MMS22L: variants seen among roughly 807,000 people sequenced by gnomAD.
MMS22L encodes the protein protein MMS22-like.
MMS22L carries 74 observed loss-of-function variants against 159.1 expected under a neutral mutation model. That is an observed-to-expected ratio of 0.47 (90% CI 0.39 to 0.56). The LOEUF is 0.56. Ranked by LOEUF, MMS22L falls within the 20% of genes least tolerant of loss-of-function variation. The pLI, the probability that MMS22L is intolerant of heterozygous loss-of-function variation, is 0.00. For missense variants in MMS22L, 1,351 were observed against 1,422.1 expected (o/e 0.95, Z 0.80); for synonymous variants, 517 against 506.9 (o/e 1.02, Z -0.27).
In MMS22L at chr6:97,269,082, A is replaced by G. The variant is rs1582853417; in HGVS notation, c.697+820T>C. ...TAAAAGATATTTATCCATAATATGT[A>G]TAAACTCCTACTAAAAAAAGAGGAA... On this transcript the variant is annotated intron_variant, in intron 7 of 24. Coordinates refer to ENST00000683635, the MANE Select transcript of MMS22L (RefSeq NM_001350599.2). 2.0e-5 allele frequency among the ~76,000 whole-genome samples: 3 copies of G among 152,126 alleles called. 1 individual carries two copies. Among genetic ancestry groups the G allele is most frequent in the Admixed American group, 1.3e-4 (2 of 15,270 alleles).
chr6:97,274,740 T>TC (rs1816090341), intron 4 of MMS22L, among the ~76,000 whole-genome samples: 1 of 152,102 alleles, frequency 6.6e-6, no homozygotes, highest in South Asian at 2.1e-4. Flanking sequence ...AAAATAGAGT[T>TC]CTGGAAGGGT....
chr6:97,269,915 C>G lies in MMS22L; in HGVS notation c.684G>C (p.Leu228=). The G allele has an allele frequency of 6.2e-7, 1 of 1,606,456 alleles. No homozygotes were observed. The highest frequency in any genetic ancestry group is 8.5e-7 in the Non-Finnish European group (1 of 1,175,670). The change falls in exon 7 of 25, where the codon CTG becomes CTC. Residue 228 remains leucine, a synonymous_variant. Transcript: ENST00000683635. The stretch of plus-strand genomic sequence containing the variant: ...CCATAAACTTACTCAATTTTTCACC[C>G]AGCATGTAAAGAATTTCTAGCACCA... ...HWLVLEILYM[L]GEKLKQVVYG...
intron 10 of MMS22L, among the ~76,000 whole-genome samples, chr6:97,251,373 TAC>T (rs1347418216): frequency 6.6e-6 from 1 of 152,184 alleles, no homozygotes; most frequent in African/African-American, 2.4e-5. Context: ...ACTGAGATAA[TAC>T]ACAGTCACTG....
chr6:97,149,001 AGTTAC>A (rs376130590), intron 24 of MMS22L, among the ~76,000 whole-genome samples: 2 of 152,192 alleles, frequency 1.3e-5, no homozygotes, highest in African/African-American at 4.8e-5. Context: ...ACTTACCATA[AGTTAC>A]AACTGTCTAT....
In MMS22L at chr6:97,229,398, T is replaced by C. The variant is rs776189583; in HGVS notation, c.1535A>G (p.Tyr512Cys). Reference sequence around the variant, plus strand: ...CATTCTTTTTTGATGGAATTTTGAATATATTCTGTAAAACATTAAAAAATG... The same window carrying C: ...CATTCTTTTTTGATGGAATTTTGAACATATTCTGTAAAACATTAAAAAATG... ...HPWKQVKGRI[Y>C]SKFHQKRMEE... The change falls in exon 14 of 25, where the codon TAT becomes TGT. Residue 512 changes from tyrosine to cysteine, a missense_variant. Tyr to Cys is a radical substitution (Grantham distance 194, BLOSUM62 -2). Coordinates refer to ENST00000683635, the MANE Select transcript of MMS22L (RefSeq NM_001350599.2). The C allele has an allele frequency of 1.6e-5, 25 of 1,550,168 alleles. No homozygotes were observed. The highest frequency in any genetic ancestry group is 2.2e-5 in the Non-Finnish European group (25 of 1,147,436).
chr6:97,159,842 A>C (rs182952562), intron 22 of MMS22L, among the ~76,000 whole-genome samples: 9 of 152,082 alleles, frequency 5.9e-5, no homozygotes, highest in Non-Finnish European at 7.4e-5. Context: ...ATAAATATGC[A>C]AATATTCAAA....
chr6:97,193,805 G>A (rs1806154969), intron 14 of MMS22L, among the ~76,000 whole-genome samples: 1 of 152,178 alleles, frequency 6.6e-6, no homozygotes, highest in African/African-American at 2.4e-5. Flanking sequence ...CTGTCACCCA[G>A]GCTGGAGTGC....
chr6:97,168,355 AG>A, intron 19 of MMS22L, 115 bp from the exon 20 acceptor site: 1 of 816,134 alleles, frequency 1.2e-6, no homozygotes, highest in Admixed American at 2.5e-5. Flanking sequence ...AGTAGGGAAT[AG>A]GAAGAGACAT....
chr6:97,273,622 C>T (rs1815973071), intron 4 of MMS22L, among the ~76,000 whole-genome samples: 1 of 152,170 alleles, frequency 6.6e-6, no homozygotes, highest in Non-Finnish European at 1.5e-5. Context: ...ATAATACCTC[C>T]TTTGATTTCT....
intron 14 of MMS22L, among the ~76,000 whole-genome samples, chr6:97,215,116 T>TATATATATATATATATATA (rs1410024960): frequency 7.6e-6 from 1 of 132,068 alleles, no homozygotes; most frequent in African/African-American, 3.2e-5. Context: ...ATATATATAT[T>TATATATATATATATATATA]TTTTTTTTGC....
rs772229046 is a variant in MMS22L, at chr6:97,178,483, A to G, written c.2639T>C (p.Ile880Thr). Residue 880 changes from isoleucine to threonine, a missense_variant, in exon 18 of 25, where the codon ATC becomes ACC. Coordinates refer to ENST00000683635, the MANE Select transcript of MMS22L (RefSeq NM_001350599.2). ...FSKAQVEYLSISEDPKKALVR... is the reference protein window; with the variant it reads ...FSKAQVEYLSTSEDPKKALVR... ...AAGTGCTTTTTTAGGGTCTTCTGAGATGGATAAATATTCAACTTGGGCCTT... is the reference window on the plus strand; with the variant it reads ...AAGTGCTTTTTTAGGGTCTTCTGAGGTGGATAAATATTCAACTTGGGCCTT... The G allele has an allele frequency of 4.4e-6, 7 of 1,582,394 alleles. No individual in the cohort carries two copies. In the South Asian group the frequency reaches 5.9e-5, roughly 13 times the overall value.
In MMS22L at chr6:97,229,240, A is replaced by G. The variant is rs150262175; in HGVS notation, c.1693T>C (p.Ser565Pro). The change falls in exon 14 of 25, where the codon TCT (serine) becomes CCT (proline). Residue 565 changes from serine to proline, a missense_variant. By Grantham distance (74) the Ser-to-Pro change is moderately conservative (BLOSUM62 -1). Coordinates refer to ENST00000683635, the MANE Select transcript of MMS22L (RefSeq NM_001350599.2). ...LNFLKPAFVT[S>P]QRALIWKGHM... Reference sequence around the variant, plus strand: ...CCCTTCCAAATGAGGGCTCTCTGAGACGTTACAAAAGCAGGCTTGAGGAAA... The same window carrying G: ...CCCTTCCAAATGAGGGCTCTCTGAGGCGTTACAAAAGCAGGCTTGAGGAAA... 138 of 1,614,146 alleles carry G rather than the reference A, an allele frequency of 8.5e-5. No homozygotes were observed. The highest frequency in any genetic ancestry group is 2.1e-4 in the African/African-American group (16 of 75,038).
At chr6:97,269,870 A>C in intron 7 of MMS22L, 32 bp downstream of exon 7, 2 of 1,483,432 alleles carry the variant, frequency 1.3e-6, no homozygotes, top group African/African-American at 2.8e-5. Context: ...CTGATTTTAA[A>C]AAGAATATAA....
chr6:97,144,722 G>A lies in MMS22L; in HGVS notation c.*2084C>T, dbSNP rs1166541503. ...GGCAAGATTGTAGTAATAAGTGAAG[G>A]ATCAGTGAAGATTTTAAAAAAAAGG... is the stretch of plus-strand genomic sequence containing the variant. On this transcript the variant is annotated 3_prime_UTR_variant, in exon 25 of 25. Coordinates refer to ENST00000683635, the MANE Select transcript of MMS22L (RefSeq NM_001350599.2). 1 of 151,542 alleles carries A rather than the reference G, an allele frequency of 6.6e-6. No individual in the cohort carries two copies. Among genetic ancestry groups the A allele is most frequent in the East Asian group, 1.9e-4 (1 of 5,174 alleles). The allele number at this position is 151,542 out of a possible 1,614,324, so 9.4% of individuals were successfully genotyped here. A position where few individuals can be genotyped will look rare whatever the true frequency, so the allele number is the denominator to read the frequency against.
At chr6:97,278,289 G>C (rs150144376) in intron 4 of MMS22L, among the ~76,000 whole-genome samples, 1,744 of 152,012 alleles carry the variant, frequency 0.011, 18 homozygotes, top group Middle Eastern at 0.024. Context: ...TATAATCCCA[G>C]CTACTCGGGA....
intron 14 of MMS22L, among the ~76,000 whole-genome samples, chr6:97,191,305 A>G (rs1293439509): frequency 1.3e-5 from 2 of 152,158 alleles, no homozygotes; most frequent in African/African-American, 4.8e-5. Flanking sequence ...TTACTGGACC[A>G]CTGCTTATAG....
chr6:97,151,131 C>T (rs1801277110), intron 23 of MMS22L, among the ~76,000 whole-genome samples: 1 of 152,164 alleles, frequency 6.6e-6, no homozygotes, highest in African/African-American at 2.4e-5. Flanking sequence ...TACCTGTCAT[C>T]ATGACTCACA....
intron 14 of MMS22L, among the ~76,000 whole-genome samples, chr6:97,227,518 T>C (rs1437039595): frequency 6.6e-6 from 1 of 152,176 alleles, no homozygotes; most frequent in Non-Finnish European, 1.5e-5. Flanking sequence ...TAACATTTAT[T>C]TAAAAACTGA....
chr6:97,257,516 C>CA (rs1353058297), intron 9 of MMS22L, among the ~76,000 whole-genome samples: 4 of 152,120 alleles, frequency 2.6e-5, no homozygotes, highest in African/African-American at 9.7e-5. Context: ...GGCACTGGTG[C>CA]AAAATTCTGG....
Sources: gnomAD v4.1 joint callset for allele counts (sites outside exome capture counted in the v4.1 genomes callset) on GRCh38, gnomAD v4.1.1 for gene constraint, MANE v1.5 for transcripts, NCBI Gene and HGNC (gene_info 2026-07-23, HGNC 2026-07-21) for gene names.